Variants in NALCN observed in about 807,000 individuals in gnomAD.
The protein encoded by NALCN is sodium leak channel NALCN.
In NALCN, 111 loss-of-function variants were observed where a neutral mutation model predicts 225.3. The observed-to-expected ratio is 0.49, with a 90% CI of 0.42 to 0.58. The LOEUF (loss-of-function observed/expected upper bound fraction) is 0.58, where lower values mean the gene tolerates loss of function less well. Among genes scored for constraint, NALCN ranks in the 20% least tolerant of loss-of-function variants. The pLI is 0.00. For missense variants in NALCN, 1,378 were observed against 2,202.4 expected, an observed-to-expected ratio of 0.63 and a Z score of 7.49; for synonymous variants, 764 against 769.0, an observed-to-expected ratio of 0.99 and a Z score of 0.11.
At chr13:101,397,775 A>T (rs2047358397) in intron 2 of NALCN, among the ~76,000 whole-genome samples, 1 of 152,138 alleles carries the variant, frequency 6.6e-6, no homozygotes, top group Middle Eastern at 3.2e-3. Flanking sequence ...AAATACAGTT[A>T]TTTATAGATA....
At chr13:101,227,677 C>T (rs12583151) in intron 13 of NALCN, among the ~76,000 whole-genome samples, 25,814 of 152,150 alleles carry the variant, frequency 0.17, 2,447 homozygotes, top group East Asian at 0.36. Flanking sequence ...TCAATGAAAC[C>T]CCATGTCTCA....
At chr13:101,109,863 AC>A (rs1474248698) in intron 20 of NALCN, among the ~76,000 whole-genome samples, 1 of 152,048 alleles carries the variant, frequency 6.6e-6, no homozygotes, top group Non-Finnish European at 1.5e-5. Context: ...CCAAATCCCC[AC>A]CTTTGATTTA....
At position 101,068,149 on chromosome 13, in the gene NALCN, T is replaced by G; in HGVS notation, c.4331-116A>C. On this transcript the variant is annotated intron_variant, in intron 38 of 43. Transcript: ENST00000251127. ...TCTATCACCTATATCATAAGCCAAA[T>G]TTTTAAAGTGCTTTTAGTATGGTTT... 9.1e-6 allele frequency: 6 copies of G among 660,952 alleles called. 1 individual carries two copies. Among genetic ancestry groups the G allele is most frequent in the Non-Finnish European group, 1.5e-5 (6 of 396,382 alleles). 40.9% of individuals were successfully genotyped at this position (660,952 alleles called of 1,614,324 possible).
At chr13:101,106,057 A>G (rs1306287972) in intron 22 of NALCN, among the ~76,000 whole-genome samples, 2 of 152,156 alleles carry the variant, frequency 1.3e-5, no homozygotes, top group Non-Finnish European at 2.9e-5. Context: ...CAAGATCAAG[A>G]TGCCAGCTGA....
intron 17 of NALCN, among the ~76,000 whole-genome samples, chr13:101,134,053 C>A (rs1475559999): frequency 6.6e-6 from 1 of 152,020 alleles, no homozygotes; most frequent in Non-Finnish European, 1.5e-5. Context: ...GCCTGTAGTC[C>A]CAGCTGCTCG....
At chr13:101,060,942 T>C (rs1215030409) in intron 41 of NALCN, among the ~76,000 whole-genome samples, 1 of 152,218 alleles carries the variant, frequency 6.6e-6, no homozygotes, top group Non-Finnish European at 1.5e-5. Flanking sequence ...AGTTGTATCT[T>C]TTCTCTGGGA....
chr13:101,383,772 C>T lies in NALCN; in HGVS notation c.292-5119G>A, dbSNP rs149984904. Among the ~76,000 whole-genome samples, 527 of 152,290 alleles carry T rather than the reference C, an allele frequency of 3.5e-3. 2 individuals are homozygous for T. The highest frequency in any genetic ancestry group is 7.1e-3 in the Admixed American group (108 of 15,296). ...GATCACAGACGAGATTATGAGATGA[C>T]TTATGGATACTTCCTGGATTAGCAT... On this transcript the variant is annotated intron_variant, in intron 3 of 43. Coordinates refer to ENST00000251127, the MANE Select transcript of NALCN (RefSeq NM_052867.4).
chr13:101,129,896 T>G (rs1039355957), intron 17 of NALCN, among the ~76,000 whole-genome samples: 2 of 149,068 alleles, frequency 1.3e-5, no homozygotes, highest in African/African-American at 2.4e-5. Flanking sequence ...TAGCACCCAG[T>G]GTGTGATGTT....
intron 7 of NALCN, among the ~76,000 whole-genome samples, chr13:101,327,458 A>C (rs1451748901): frequency 5.9e-5 from 9 of 152,166 alleles, no homozygotes; most frequent in African/African-American, 1.9e-4. Context: ...TCATGCTTCC[A>C]TTCTAAAGAA....
At chr13:101,212,737 C>T (rs941242099) in intron 13 of NALCN, among the ~76,000 whole-genome samples, 70 of 152,178 alleles carry the variant, frequency 4.6e-4, no homozygotes, top group African/African-American at 1.6e-3. Flanking sequence ...AGGCAAAAGA[C>T]TGTGAGGCTG....
intron 13 of NALCN, among the ~76,000 whole-genome samples, chr13:101,203,538 A>C (rs2040206173): frequency 6.6e-6 from 1 of 152,216 alleles, no homozygotes; most frequent in Non-Finnish European, 1.5e-5. Context: ...TGTATTCTTT[A>C]TGACTTAAAA....
At chr13:101,114,481 C>A (rs886719424) in intron 18 of NALCN, among the ~76,000 whole-genome samples, 4 of 151,910 alleles carry the variant, frequency 2.6e-5, no homozygotes, top group Non-Finnish European at 5.9e-5. Flanking sequence ...ATCTTGCTTG[C>A]TTGCCCTGGT....
In NALCN at chr13:101,285,554, C is replaced by CAA. The variant is rs1217460538; in HGVS notation, c.1048-1536_1048-1535insTT. ...CTCCTGAGCTCAGGCAATCCCCCAG[C>CAA]TTCTGCCTCCTATATGTATTTTTAA... is the stretch of plus-strand genomic sequence containing the variant. On this transcript the variant is annotated intron_variant, in intron 9 of 43. Coordinates refer to ENST00000251127, the MANE Select transcript of NALCN (RefSeq NM_052867.4). 2.0e-4 allele frequency among the ~76,000 whole-genome samples: 30 copies of CAA among 152,218 alleles called. No individual in the cohort carries two copies. In the South Asian group the frequency reaches 6.0e-3, roughly 31 times the overall value.
chr13:101,198,360 C>G (rs1299553469), intron 13 of NALCN, among the ~76,000 whole-genome samples: 2 of 152,148 alleles, frequency 1.3e-5, no homozygotes, highest in African/African-American at 4.8e-5. Context: ...AGGCAACTTA[C>G]AGAATGGGAG....
At chr13:101,348,544 G>A (rs9582476) in intron 6 of NALCN, among the ~76,000 whole-genome samples, 35,640 of 152,020 alleles carry the variant, frequency 0.23, 4,300 homozygotes, top group Non-Finnish European at 0.26. Context: ...ATTAGATAAT[G>A]TGCAACACTC....
intron 42 of NALCN, chr13:101,058,284 T>C (rs2031511445): frequency 5.9e-6 from 3 of 505,060 alleles, no homozygotes; most frequent in Non-Finnish European, 1.0e-5. Context: ...GGACATCTTG[T>C]CCTGGGTAAC....
At chr13:101,134,714 A>T (rs2139746795) in intron 17 of NALCN, among the ~76,000 whole-genome samples, 1 of 151,300 alleles carries the variant, frequency 6.6e-6, no homozygotes, top group South Asian at 2.1e-4. Flanking sequence ...AATGGATCTG[A>T]TTTTTTTTTG....
At chr13:101,190,801 G>A (rs964275728) in intron 14 of NALCN, among the ~76,000 whole-genome samples, 3 of 152,168 alleles carry the variant, frequency 2.0e-5, no homozygotes, top group African/African-American at 7.2e-5. Flanking sequence ...TAATTTGTTT[G>A]ATGTGAGTGA....
At chr13:101,207,633 T>A (rs1299526058) in intron 13 of NALCN, among the ~76,000 whole-genome samples, 1 of 152,180 alleles carries the variant, frequency 6.6e-6, no homozygotes, top group Non-Finnish European at 1.5e-5. Context: ...CAAAGGATTG[T>A]AAATGCACCA....
Sources: allele counts gnomAD v4.1 joint callset (sites outside exome capture counted in the v4.1 genomes callset), GRCh38; gene constraint gnomAD v4.1.1; transcripts MANE v1.5; gene names NCBI Gene and HGNC (gene_info 2026-07-23, HGNC 2026-07-21).